Variants in PDE4DIP observed in about 807,000 individuals in gnomAD.
PDE4DIP encodes phosphodiesterase 4D interacting protein.
In PDE4DIP, 59 loss-of-function variants were observed where a neutral mutation model predicts 221.4. The ratio of observed to expected loss-of-function variants is 0.27; its 90% confidence interval spans 0.22 to 0.33. The LOEUF is 0.33. Ranked by LOEUF, PDE4DIP falls within the 10% of genes least tolerant of loss-of-function variation. The pLI, the probability that PDE4DIP is intolerant of heterozygous loss-of-function variation, is 1.00. For missense variants in PDE4DIP, 1,036 were observed against 2,154.2 expected (o/e 0.48, Z 10.28); for synonymous variants, 404 against 815.9 (o/e 0.50, Z 8.60).
In PDE4DIP at chr1:148,826,224, G is replaced by A. The variant is rs369055125; in HGVS notation, c.233+17487G>A. Among the ~76,000 whole-genome samples, 171 of 92,880 alleles carry A rather than the reference G, an allele frequency of 1.8e-3. 8 individuals are homozygous for A. The highest frequency in any genetic ancestry group is 6.3e-3 in the African/African-American group (163 of 26,038). 60.9% of individuals were successfully genotyped at this position (92,880 alleles called of 152,430 possible). On this transcript the variant is annotated intron_variant, in intron 1 of 45. Coordinates refer to the PDE4DIP transcript ENST00000524974. The stretch of plus-strand genomic sequence containing the variant: ...GAATGTACCGAAGCCAGCAAATAAA[G>A]GATGCAATAATTCTCTTCTGTATAC...
chr1:148,954,826 G>A (rs1188010913), intron 5 of PDE4DIP, among the ~76,000 whole-genome samples: 1 of 152,154 alleles, frequency 6.6e-6, no homozygotes, highest in Non-Finnish European at 1.5e-5. Flanking sequence ...TGTTCCACTT[G>A]ATACAACTTA....
At chr1:148,956,240 A>G (rs2055288999) in intron 5 of PDE4DIP, among the ~76,000 whole-genome samples, 1 of 151,994 alleles carries the variant, frequency 6.6e-6, no homozygotes, top group Non-Finnish European at 1.5e-5. Flanking sequence ...AATATGGAGA[A>G]AACCTTTTAT....
rs370833752 is a variant in PDE4DIP, at chr1:148,984,057, T to C, written c.2815+2660T>C. 10 of 152,220 alleles carry C rather than the reference T, an allele frequency of 6.6e-5. No homozygotes were observed. In the South Asian group the frequency reaches 2.1e-3, roughly 32 times the overall value. The allele number at this position is 152,220 out of a possible 1,614,324, so 9.4% of individuals were successfully genotyped here. ...GAAATAAATGTCCTTAGATAGATATTGTCCCTAAACTCTTTTCTATTGAAA... is the reference window on the plus strand; with the variant it reads ...GAAATAAATGTCCTTAGATAGATATCGTCCCTAAACTCTTTTCTATTGAAA... On this transcript the variant is annotated intron_variant, in intron 21 of 43. Transcript: ENST00000369354.
intron 5 of PDE4DIP, among the ~76,000 whole-genome samples, chr1:148,948,481 A>AT (rs2052347005): frequency 6.7e-6 from 1 of 148,980 alleles, no homozygotes; most frequent in Admixed American, 6.7e-5. Context: ...CAAAAAAAAA[A>AT]AAAAACTCAT....
intron 17 of PDE4DIP, among the ~76,000 whole-genome samples, chr1:148,975,284 A>G (rs1237742697): frequency 6.8e-6 from 1 of 147,456 alleles, no homozygotes; most frequent in Non-Finnish European, 1.5e-5. Context: ...ATTTAGAAAC[A>G]TGAAACGAGA....
At chr1:148,927,245 A>C (rs1207519705) in intron 1 of PDE4DIP, among the ~76,000 whole-genome samples, 1 of 152,002 alleles carries the variant, frequency 6.6e-6, no homozygotes, top group Admixed American at 6.6e-5. Flanking sequence ...CTTTTGAAGA[A>C]ATTAGGATAT....
chr1:149,024,226 G>A (rs2074332091), intron 37 of PDE4DIP: 1 of 513,132 alleles, frequency 1.9e-6, no homozygotes, highest in African/African-American at 1.9e-5. Context: ...ATAGGTGCAT[G>A]TGTGTAACTT....
chr1:148,971,408 G>A (rs1475181212), intron 14 of PDE4DIP, among the ~76,000 whole-genome samples: 1 of 148,598 alleles, frequency 6.7e-6, no homozygotes, highest in Non-Finnish European at 1.5e-5. Flanking sequence ...AAGTGTTGGA[G>A]ATAGAGAAGA....
At chr1:149,013,126 T>C (rs1472124434) in intron 32 of PDE4DIP, among the ~76,000 whole-genome samples, 1 of 152,234 alleles carries the variant, frequency 6.6e-6, no homozygotes, top group Non-Finnish European at 1.5e-5. Flanking sequence ...CTATGCAGGA[T>C]GAAGTGGCCA....
intron 19 of PDE4DIP, among the ~76,000 whole-genome samples, chr1:148,979,270 G>C (rs2060711277): frequency 6.6e-6 from 1 of 151,990 alleles, no homozygotes; most frequent in African/African-American, 2.4e-5. Context: ...TATCTTTATA[G>C]CACTTATTAC....
At chr1:149,010,563 A>G in exon 31 of PDE4DIP, 1 of 1,614,096 alleles carries the variant, frequency 6.2e-7, no homozygotes, top group Non-Finnish European at 8.5e-7. Flanking sequence ...ACTCCCCAGA[A>G]TACCCCCAAG....
In PDE4DIP at chr1:148,870,505, TA is replaced by T. The variant is rs1372960050; in HGVS notation, c.441+1885del. On this transcript the variant is annotated intron_variant, in intron 3 of 45. Coordinates refer to the PDE4DIP transcript ENST00000524974. ...GTCCTTTTCTTTTAGAGTTTAGATCTAATATGACAGATTAGTCCTTATTTCT... is the reference window on the plus strand; with the variant it reads ...GTCCTTTTCTTTTAGAGTTTAGATCTATATGACAGATTAGTCCTTATTTCT... The T allele has an allele frequency of 1.2e-5, 3 of 256,296 alleles. 1 individual carries two copies. The highest frequency in any genetic ancestry group is 1.8e-5 in the Non-Finnish European group (3 of 162,202). The allele number at this position is 256,296 out of a possible 1,614,324, so 15.9% of individuals were successfully genotyped here.
At position 148,865,178 on chromosome 1, in the gene PDE4DIP, T is replaced by A. The variant is rs1686071051; in HGVS notation, c.289+1873T>A. The stretch of plus-strand genomic sequence containing the variant: ...GTCTCGGCTCACTGCAACCTCCGCC[T>A]CCCAGGTTCAAGCAATTCTCCTGCC... On this transcript the variant is annotated intron_variant, in intron 2 of 45. Coordinates refer to the PDE4DIP transcript ENST00000524974. 1.7e-4 allele frequency among the ~76,000 whole-genome samples: 24 copies of A among 138,048 alleles called. No homozygotes were observed. In the South Asian group the frequency reaches 5.4e-3, roughly 31 times the overall value. 90.6% of individuals were successfully genotyped at this position (138,048 alleles called of 152,430 possible).
chr1:148,972,889 C>G (rs1278563703), intron 16 of PDE4DIP, among the ~76,000 whole-genome samples: 9 of 131,388 alleles, frequency 6.8e-5, no homozygotes, highest in African/African-American at 2.6e-4. Context: ...CACAGCAGGG[C>G]CATGAGCTGA....
chr1:148,985,234 G>C (rs1169509390), intron 21 of PDE4DIP: 11 of 152,058 alleles, frequency 7.2e-5, no homozygotes, highest in African/African-American at 2.4e-4. Context: ...TTGTACCGTA[G>C]AAAGAATAGC....
intron 13 of PDE4DIP, among the ~76,000 whole-genome samples, 159 bp from the exon 17 acceptor site, chr1:148,968,677 G>C (rs2058634511): frequency 6.6e-6 from 1 of 152,154 alleles, no homozygotes. Flanking sequence ...TGTGTAGCAG[G>C]CCTGTGCTAG....
rs782181296 is a variant in PDE4DIP, at chr1:148,932,427, A to AT, written c.518+141dup. Reference sequence around the variant, plus strand: ...ACTTTATGGGCCCACAACCGAAGACATTCTTTTCAGGGTTGAATTTTCAGT... The same window carrying AT: ...ACTTTATGGGCCCACAACCGAAGACATTTCTTTTCAGGGTTGAATTTTCAGT... On this transcript the variant is annotated intron_variant, in intron 4 of 43. Coordinates refer to ENST00000369354, the Ensembl canonical transcript of PDE4DIP. The AT allele has an allele frequency of 1.8e-5, 23 of 1,257,216 alleles. No homozygotes were observed. In the South Asian group the frequency reaches 2.8e-4, roughly 16 times the overall value. 77.9% of individuals were successfully genotyped at this position (1,257,216 alleles called of 1,614,324 possible).
intron 41 of PDE4DIP, among the ~76,000 whole-genome samples, chr1:149,029,581 G>A (rs1328849189): frequency 6.6e-6 from 1 of 152,106 alleles, no homozygotes; most frequent in Non-Finnish European, 1.5e-5. Context: ...AGTCTGCATG[G>A]GGAATTCCAG....
chr1:148,983,770 T>G (rs1425467778), intron 21 of PDE4DIP: 1 of 152,512 alleles, frequency 6.6e-6, no homozygotes, highest in African/African-American at 2.4e-5. Flanking sequence ...CATCGTGTGC[T>G]TATAGAACCT....
Sources: allele counts gnomAD v4.1 joint callset (sites outside exome capture counted in the v4.1 genomes callset), GRCh38; gene constraint gnomAD v4.1.1; transcripts MANE v1.5; gene names NCBI Gene and HGNC (gene_info 2026-07-23, HGNC 2026-07-21).